PIEZO1: variants seen among roughly 807,000 people sequenced by gnomAD.
The protein encoded by PIEZO1 is piezo type mechanosensitive ion channel component 1 (Er blood group).
A neutral mutation model predicts 297.2 loss-of-function variants in PIEZO1; 296 were observed. The observed-to-expected ratio is 1.00, with a 90% CI of 0.91 to 1.10. PIEZO1 has a LOEUF of 1.10. Ranked by LOEUF, PIEZO1 falls within the 50% of genes least tolerant of loss-of-function variation. PIEZO1 has a pLI of 0.00. For synonymous variants in PIEZO1, 2,427 were observed against 1,507.5 expected, an observed-to-expected ratio of 1.61 and a Z score of -14.13; for missense variants, 5,018 against 3,455.5, an observed-to-expected ratio of 1.45 and a Z score of -11.34.
rs1473893606 is a variant in PIEZO1, at chr16:88,715,986, G to A, written c.7263C>T (p.Val2421=). ...GTGGGCTGACCTTGTCACTGAAAAT[G>A]ACCATGGGCAGCAGGTTGCAGTCGG... ...CRTDCNLLPM[V]IFSDKVSPPS... is the part of the protein sequence containing the mutation. The change falls in exon 50 of 51, where the codon GTC becomes GTT. Residue 2421 remains valine (V), a synonymous_variant. Transcript: ENST00000301015. The A allele has an allele frequency of 6.5e-7, 1 of 1,550,062 alleles. No individual in the cohort carries two copies. The highest frequency in any genetic ancestry group is 8.7e-7 in the Non-Finnish European group (1 of 1,146,904).
At chr16:88,737,455 G>A (rs1241448803) in intron 10 of PIEZO1, 104 bp downstream of exon 10, 3 of 754,700 alleles carry the variant, frequency 4.0e-6, no homozygotes, top group African/African-American at 1.8e-5. Context: ...GCAGGCAGAG[G>A]TGCGGCGCGA....
Position 88,717,170 on chromosome 16 carries a change from G to A in PIEZO1, c.6513C>T (p.Val2171=). The A allele has an allele frequency of 6.4e-7, 1 of 1,550,818 alleles. No homozygotes were observed. Among genetic ancestry groups the A allele is most frequent in the Non-Finnish European group, 8.7e-7 (1 of 1,147,120 alleles). The change falls in exon 45 of 51, where the codon GTC becomes GTT. Residue 2171 remains valine, a synonymous_variant. Transcript: ENST00000301015. ...TGATGAGGCCACCCATGCCGTACTT[G>A]ACGATCTTCTTCTTCTTCTGCCCTT... ...QPKGQKKKKI[V]KYGMGGLIIL...
chr16:88,781,241 A>G (rs186644758), intron 1 of PIEZO1, among the ~76,000 whole-genome samples: 148 of 152,310 alleles, frequency 9.7e-4, no homozygotes, highest in Middle Eastern at 3.4e-3. Context: ...CCGCCCAGGA[A>G]GCTGCCTTGG....
chr16:88,735,246 A>G lies in PIEZO1; in HGVS notation c.1558T>C (p.Leu520=). 1 of 1,548,162 alleles carries G rather than the reference A, an allele frequency of 6.5e-7. No homozygotes were observed. Among genetic ancestry groups the G allele is most frequent in the Non-Finnish European group, 8.7e-7 (1 of 1,144,950 alleles). The change falls in exon 13 of 51, where the codon TTG becomes CTG. Residue 520 remains leucine, a splice_region_variant and synonymous_variant. Coordinates refer to ENST00000301015, the MANE Select transcript of PIEZO1 (RefSeq NM_001142864.4). ...AGCCAGAAGGTCAGGGTGTAGAGCA[A>G]CTGTGACAAGCGCAGGGTGTCACAG... is the stretch of plus-strand genomic sequence containing the variant. The part of the protein sequence containing the change: ...RYPCLDLGAM[L]LYTLTFWLLL...
chr16:88,721,766 C>A (rs1374737061), intron 37 of PIEZO1, 40 bp from the exon 38 acceptor site: 1 of 1,534,452 alleles, frequency 6.5e-7, no homozygotes, highest in African/African-American at 1.4e-5. Flanking sequence ...AGGGTCACGG[C>A]GCGGTGGGCC....
At chr16:88,730,764 C>T (rs1171379000) in intron 22 of PIEZO1, among the ~76,000 whole-genome samples, 3 of 152,242 alleles carry the variant, frequency 2.0e-5, no homozygotes, top group South Asian at 2.1e-4. Context: ...AGTGTGTGGC[C>T]GGAGGGGCCA....
intron 38 of PIEZO1, 40 bp downstream of exon 38, chr16:88,721,498 C>A (rs1912449928): frequency 6.5e-7 from 1 of 1,538,810 alleles, no homozygotes; most frequent in Non-Finnish European, 8.8e-7. Flanking sequence ...GCCCAGAGGG[C>A]CTGCCCAGCC....
Position 88,720,258 on chromosome 16 carries a change from G to C in PIEZO1, c.5975C>G (p.Thr1992Arg), listed in dbSNP as rs913211391. The change falls in exon 42 of 51, where the codon ACG becomes AGG. Residue 1992 changes from threonine (T) to arginine (R), a missense_variant. By Grantham distance (71) the Thr-to-Arg change is moderately conservative. Coordinates refer to ENST00000301015, the MANE Select transcript of PIEZO1 (RefSeq NM_001142864.4). ...FGKHSAATDI[T>R]SSLSDDQVPE... is the part of the protein sequence containing the mutation. ...TACCTGGTCGTCTGATAGGGAGGAC[G>C]TGATGTCTGTGGCCGCCGAGTGCTT... 1.9e-6 allele frequency: 3 copies of C among 1,550,358 alleles called. No homozygotes were observed. Among genetic ancestry groups the C allele is most frequent in the Non-Finnish European group, 2.6e-6 (3 of 1,146,964 alleles).
At chr16:88,719,461 C>G (rs1037478017) in intron 44 of PIEZO1, 113 bp downstream of exon 44, 5 of 1,038,752 alleles carry the variant, frequency 4.8e-6, no homozygotes, top group Non-Finnish European at 7.1e-6. Flanking sequence ...CCATGGGCTC[C>G]GAGCCCTGGG....
intron 26 of PIEZO1, 25 bp downstream of exon 26, chr16:88,726,516 GCCCTCC>G: frequency 1.3e-6 from 2 of 1,546,012 alleles, no homozygotes; most frequent in Non-Finnish European, 1.7e-6. Context: ...GCTTCCCCAC[GCCCTCC>G]CCCGCCACCG....
In PIEZO1 at chr16:88,727,539, GTGGTGGGGGGCACTCACTGATGAGGT is replaced by G; in HGVS notation, c.3293_3301+17del. On this transcript the variant is annotated splice_donor_variant and splice_donor_5th_base_variant and coding_sequence_variant and intron_variant, in exon 23 of 51. Coordinates refer to ENST00000301015, the MANE Select transcript of PIEZO1 (RefSeq NM_001142864.4). LOFTEE classifies it high-confidence loss of function. ...CTGAGGGTCCTCTGCAGAGGCGGGG[GTGGTGGGGGGCACTCACTGATGAGGT>G]TGGTGGAGTTGGGGGCCCGGAAGAA... 1 of 1,028,844 alleles carries G rather than the reference GTGGTGGGGGGCACTCACTGATGAGGT, an allele frequency of 9.7e-7. No individual in the cohort carries two copies. Among genetic ancestry groups the G allele is most frequent in the Non-Finnish European group, 1.4e-6 (1 of 692,548 alleles). 63.7% of individuals were successfully genotyped at this position (1,028,844 alleles called of 1,614,324 possible). A position where few individuals can be genotyped will look rare whatever the true frequency, so the allele number is the denominator to read the frequency against.
At position 88,738,014 on chromosome 16, in the gene PIEZO1, C is replaced by T; in HGVS notation, c.940G>A (p.Ala314Thr). Residue 314 changes from alanine to threonine, a missense_variant, in exon 8 of 51, where the codon GCC (alanine) becomes ACC (threonine). Transcript: ENST00000301015. ...AGCAGCAGGAGGACGCCGGGGCTGG[C>T]ATACACAGGCCAGTCCAGGCCGGTG... ...LNTGLDWPVY[A>T]SPGVLLLLCY... 1 of 1,535,568 alleles carries T rather than the reference C, an allele frequency of 6.5e-7. No homozygotes were observed. The highest frequency in any genetic ancestry group is 2.4e-5 in the East Asian group (1 of 40,914).
chr16:88,715,342 A>C lies in PIEZO1; in HGVS notation c.*263T>G. The C allele has an allele frequency of 7.6e-7, 1 of 1,322,520 alleles. No homozygotes were observed. The highest frequency in any genetic ancestry group is 1.0e-6 in the Non-Finnish European group (1 of 960,590). 81.9% of individuals were successfully genotyped at this position (1,322,520 alleles called of 1,614,324 possible). ...GGCAAGGACGGGGGACTGGCCTCTG[A>C]TTGTCCATTTGTATAAATAAAACAT... On this transcript the variant is annotated 3_prime_UTR_variant, in exon 51 of 51. Coordinates refer to ENST00000301015, the MANE Select transcript of PIEZO1 (RefSeq NM_001142864.4).
At chr16:88,763,436 A>C (rs1438672394) in intron 1 of PIEZO1, among the ~76,000 whole-genome samples, 1 of 152,182 alleles carries the variant, frequency 6.6e-6, no homozygotes, top group East Asian at 1.9e-4. Flanking sequence ...CCAGCAGTTT[A>C]TGAGGCCAAG....
Position 88,716,543 on chromosome 16 carries a change from C to CAA in PIEZO1, c.6926+14_6926+15dup. The CAA allele has an allele frequency of 1.9e-6, 3 of 1,538,688 alleles. No individual in the cohort carries two copies. Among genetic ancestry groups the CAA allele is most frequent in the Non-Finnish European group, 2.6e-6 (3 of 1,139,282 alleles). On this transcript the variant is annotated intron_variant, in intron 47 of 50. Coordinates refer to ENST00000301015, the MANE Select transcript of PIEZO1 (RefSeq NM_001142864.4). ...GGGTCCACCCACCCAGGCACTGCCC[C>CAA]AAGTCCAGGACGAACCTCTGGAAGT...
intron 11 of PIEZO1, 53 bp downstream of exon 11, chr16:88,736,586 C>A: frequency 6.8e-7 from 1 of 1,465,700 alleles, no homozygotes; most frequent in Admixed American, 2.2e-5. Context: ...AGGCGATGCC[C>A]CACACCTGCG....
At chr16:88,780,544 A>C (rs1303509547) in intron 1 of PIEZO1, among the ~76,000 whole-genome samples, 1 of 152,204 alleles carries the variant, frequency 6.6e-6, no homozygotes, top group Admixed American at 6.5e-5. Context: ...TCCATGCCAG[A>C]TGTGTGTGTG....
intron 1 of PIEZO1, among the ~76,000 whole-genome samples, chr16:88,759,206 G>T (rs930069568): frequency 6.6e-6 from 1 of 152,242 alleles, no homozygotes; most frequent in East Asian, 1.9e-4. Context: ...GACATCAGTC[G>T]TCTGAGTCCC....
Position 88,738,652 on chromosome 16 carries a change from G to A in PIEZO1, c.550C>T (p.Leu184=). The change falls in exon 6 of 51, where the codon CTG becomes TTG. Residue 184 remains leucine, a synonymous_variant. Coordinates refer to ENST00000301015, the MANE Select transcript of PIEZO1 (RefSeq NM_001142864.4). ...GCCGTGACTCGGAAACGAGCGGCCAGCCGTGACCTCCGTGTAGGGGCCAGC... is the reference window on the plus strand; with the variant it reads ...GCCGTGACTCGGAAACGAGCGGCCAACCGTGACCTCCGTGTAGGGGCCAGC... ...ATLAPTRRSR[L]AARFRVTAHW... 1.3e-6 allele frequency: 2 copies of A among 1,535,728 alleles called. No homozygotes were observed. The highest frequency in any genetic ancestry group is 1.7e-6 in the Non-Finnish European group (2 of 1,146,760).
Sources: gnomAD v4.1 joint callset for allele counts (sites outside exome capture counted in the v4.1 genomes callset) on GRCh38, gnomAD v4.1.1 for gene constraint, MANE v1.5 for transcripts, NCBI Gene and HGNC (gene_info 2026-07-23, HGNC 2026-07-21) for gene names.